Variants in C5orf22 observed in about 807,000 individuals in gnomAD.
The protein encoded by C5orf22 is UPF0489 protein C5orf22.
In C5orf22, 36 loss-of-function variants were observed where a neutral mutation model predicts 48.7. The observed-to-expected ratio is 0.74, with a 90% CI of 0.57 to 0.98. C5orf22 has a LOEUF of 0.98. Ranked by LOEUF, C5orf22 falls within the 50% of genes least tolerant of loss-of-function variation. C5orf22 has a pLI of 0.00. For missense variants in C5orf22, 486 were observed against 521.9 expected (o/e 0.93, Z 0.67); for synonymous variants, 141 against 180.8 (o/e 0.78, Z 1.76).
At position 31,532,477 on chromosome 5, in the gene C5orf22, AGCGGACG is replaced by A; in HGVS notation, c.81+7_81+13del. 6.2e-7 allele frequency: 1 copy of A among 1,612,422 alleles called. No individual in the cohort carries two copies. The highest frequency in any genetic ancestry group is 8.5e-7 in the Non-Finnish European group (1 of 1,178,854). ...GGTGGTGGAGGATCATCAGGAGGTG[AGCGGACG>A]GCAACAGGGCTCTGGGGCAGAATCA... On this transcript the variant is annotated splice_donor_5th_base_variant and intron_variant, in intron 1 of 8. Coordinates refer to ENST00000325366, the MANE Select transcript of C5orf22 (RefSeq NM_018356.3).
chr5:31,539,238 A>G (rs922650163), intron 4 of C5orf22, among the ~76,000 whole-genome samples: 2 of 152,250 alleles, frequency 1.3e-5, no homozygotes, highest in Admixed American at 1.3e-4. Context: ...GAGGGTATGC[A>G]TATGTTATAT....
In C5orf22 at chr5:31,554,606, ATTACT is replaced by A. The variant is rs1483556122; in HGVS notation, c.*1707_*1711del. 22 of 152,160 alleles carry A rather than the reference ATTACT, an allele frequency of 1.4e-4. No individual in the cohort carries two copies. Among genetic ancestry groups the A allele is most frequent in the African/African-American group, 5.1e-4 (21 of 41,432 alleles). 9.4% of individuals were successfully genotyped at this position (152,160 alleles called of 1,614,324 possible). On this transcript the variant is annotated 3_prime_UTR_variant, in exon 9 of 9. Coordinates refer to ENST00000325366, the MANE Select transcript of C5orf22 (RefSeq NM_018356.3). The stretch of plus-strand genomic sequence containing the variant: ...AAATTTTTGGTTAGAGCTTATAGAC[ATTACT>A]TTTATGATTATTTTGCGTGCTAAAT...
Position 31,534,433 on chromosome 5 carries a change from A to C in C5orf22, c.227+16A>C. 1 of 1,595,688 alleles carries C rather than the reference A, an allele frequency of 6.3e-7. No homozygotes were observed. The highest frequency in any genetic ancestry group is 8.5e-7 in the Non-Finnish European group (1 of 1,172,766). On this transcript the variant is annotated intron_variant, in intron 2 of 8. Transcript: ENST00000325366. ...CACTCTTTGGGTAATATGTGATTTT[A>C]TTTATGGTCTTTTGTGTTTGAAGTA...
intron 6 of C5orf22, among the ~76,000 whole-genome samples, chr5:31,543,591 T>C (rs1742606621): frequency 6.6e-6 from 1 of 151,872 alleles, no homozygotes; most frequent in South Asian, 2.1e-4. Context: ...GAAAAAAAAA[T>C]CAGTTAATGC....
At chr5:31,545,927 A>C (rs981650075) in intron 7 of C5orf22, among the ~76,000 whole-genome samples, 2 of 152,116 alleles carry the variant, frequency 1.3e-5, no homozygotes, top group African/African-American at 4.8e-5. Flanking sequence ...TTTTTTTCTC[A>C]ATTTTATGTA....
At chr5:31,534,540 TG>T in intron 2 of C5orf22, 123 bp downstream of exon 2, 1 of 871,804 alleles carries the variant, frequency 1.1e-6, no homozygotes, top group East Asian at 2.6e-5. Context: ...TTTGTCTTTT[TG>T]TCTTTTTCAT....
chr5:31,535,520 G>A (rs536512113), intron 2 of C5orf22, among the ~76,000 whole-genome samples: 60 of 152,274 alleles, frequency 3.9e-4, no homozygotes, highest in African/African-American at 1.4e-3. Flanking sequence ...ACCCACCAGT[G>A]CCTTTGCACC....
intron 6 of C5orf22, among the ~76,000 whole-genome samples, chr5:31,542,912 A>T (rs944022997): frequency 1.3e-5 from 2 of 152,364 alleles, no homozygotes; most frequent in African/African-American, 4.8e-5. Flanking sequence ...ACGGGAAATT[A>T]GAATCAATAG....
At position 31,535,819 on chromosome 5, in the gene C5orf22, C is replaced by T; in HGVS notation, c.303C>T (p.Pro101=). The change falls in exon 3 of 9, where the codon CCC becomes CCT. Residue 101 remains proline (P), a synonymous_variant. Coordinates refer to ENST00000325366, the MANE Select transcript of C5orf22 (RefSeq NM_018356.3). Reference sequence around the variant, plus strand: ...TTTCACATGTAATATGGTTTCATCCCACATGGGCTCAGCAGATCAGAGAGG... The same window carrying T: ...TTTCACATGTAATATGGTTTCATCCTACATGGGCTCAGCAGATCAGAGAGG... The part of the protein sequence containing the change: ...GHFSHVIWFH[P]TWAQQIREGR... The T allele has an allele frequency of 6.2e-7, 1 of 1,613,170 alleles. No individual in the cohort carries two copies. Among genetic ancestry groups the T allele is most frequent in the Non-Finnish European group, 8.5e-7 (1 of 1,179,408 alleles).
chr5:31,538,938 A>G (rs1742280074), intron 4 of C5orf22, among the ~76,000 whole-genome samples: 1 of 152,202 alleles, frequency 6.6e-6, no homozygotes, highest in Non-Finnish European at 1.5e-5. Context: ...GATAGTATTC[A>G]TTATTTTGCA....
In C5orf22 at chr5:31,552,871, A is replaced by G; in HGVS notation, c.1298A>G (p.Gln433Arg). The change falls in exon 9 of 9, where the codon CAA (glutamine) becomes CGA (arginine). Residue 433 changes from glutamine (Q) to arginine (R), a missense_variant. Physicochemically the swap from Gln to Arg is conservative, Grantham distance 43 (BLOSUM62 1). Around this residue, in one of 3 missense-constraint regions of C5orf22, gnomAD observed 408 missense variants for 444.0 expected, o/e 0.92. Coordinates refer to ENST00000325366, the MANE Select transcript of C5orf22 (RefSeq NM_018356.3). ...LRALYGNLDL[Q>R]VYAAESPPS Reference sequence around the variant, plus strand: ...GCCCTCTATGGAAATCTAGACCTCCAAGTGTATGCAGCAGAGTCTCCTCCA... The same window carrying G: ...GCCCTCTATGGAAATCTAGACCTCCGAGTGTATGCAGCAGAGTCTCCTCCA... The G allele has an allele frequency of 6.2e-7, 1 of 1,613,912 alleles. No homozygotes were observed. Among genetic ancestry groups the G allele is most frequent in the Admixed American group, 1.7e-5 (1 of 60,030 alleles).
chr5:31,545,578 T>C, intron 6 of C5orf22, 68 bp from the exon 7 acceptor site: 2 of 1,040,724 alleles, frequency 1.9e-6, no homozygotes, highest in Non-Finnish European at 3.0e-6. Flanking sequence ...GTATAATGTA[T>C]AATTTGCTAT....
Position 31,553,093 on chromosome 5 carries a change from A to G in C5orf22, c.*191A>G, listed in dbSNP as rs1391881872. ...GGTAAATTTTTTGGCATCAAGTCTC[A>G]TAACCCCAACTGATAGAACTGTTGC... is the stretch of plus-strand genomic sequence containing the variant. On this transcript the variant is annotated 3_prime_UTR_variant, in exon 9 of 9. Transcript: ENST00000325366. 5 of 480,460 alleles carry G rather than the reference A, an allele frequency of 1.0e-5. No individual in the cohort carries two copies. The highest frequency in any genetic ancestry group is 9.8e-5 in the African/African-American group (5 of 51,118). 29.8% of individuals were successfully genotyped at this position (480,460 alleles called of 1,614,324 possible). A position where few individuals can be genotyped will look rare whatever the true frequency, so the allele number is the denominator to read the frequency against.
intron 3 of C5orf22, among the ~76,000 whole-genome samples, chr5:31,536,448 A>C (rs1020756119): frequency 2.0e-5 from 3 of 152,182 alleles, no homozygotes; most frequent in African/African-American, 7.2e-5. Context: ...GCGTGAACCC[A>C]GGAGACAGAG....
At chr5:31,546,792 C>T (rs1198675006) in intron 7 of C5orf22, among the ~76,000 whole-genome samples, 1 of 152,160 alleles carries the variant, frequency 6.6e-6, no homozygotes, top group Non-Finnish European at 1.5e-5. Context: ...CTCCCATCGG[C>T]TTCCTCCCAC....
At chr5:31,541,094 A>C in intron 5 of C5orf22, 83 bp downstream of exon 5, 19 of 1,190,274 alleles carry the variant, frequency 1.6e-5, no homozygotes, top group Non-Finnish European at 2.3e-5. Context: ...GTGATCTCAA[A>C]GACTGCTCAA....
intron 6 of C5orf22, among the ~76,000 whole-genome samples, chr5:31,544,724 C>T (rs534778127): frequency 1.9e-4 from 29 of 152,238 alleles, no homozygotes; most frequent in African/African-American, 6.3e-4. Flanking sequence ...TTACTTGAGG[C>T]CAAGAGTTAA....
intron 7 of C5orf22, among the ~76,000 whole-genome samples, chr5:31,550,916 C>CA (rs1486144941): frequency 6.6e-6 from 1 of 152,008 alleles, no homozygotes; most frequent in African/African-American, 2.4e-5. Context: ...TGTGAATTAC[C>CA]AAAATTGACC....
At chr5:31,545,347 C>T (rs1404410061) in intron 6 of C5orf22, among the ~76,000 whole-genome samples, 6 of 152,266 alleles carry the variant, frequency 3.9e-5, no homozygotes, top group South Asian at 2.1e-4. Flanking sequence ...CATGAGCCAC[C>T]GCACCTGGCC....
Sources: gnomAD v4.1 joint callset for allele counts (sites outside exome capture counted in the v4.1 genomes callset) on GRCh38, gnomAD v4.1.1 for gene constraint, gnomAD v4.1.1 regional missense constraint, MANE v1.5 for transcripts, NCBI Gene and HGNC (gene_info 2026-07-23, HGNC 2026-07-21) for gene names.